Variants in CAST observed in about 807,000 individuals in gnomAD.
The protein encoded by CAST is MIR583 host.
Under a neutral mutation model 119.6 loss-of-function variants are expected in CAST, and 76 were observed. The ratio of observed to expected loss-of-function variants is 0.64; its 90% CI spans 0.53 to 0.77. The LOEUF (loss-of-function observed/expected upper bound fraction) is 0.77. Among genes scored for constraint, CAST ranks in the 30% least tolerant of loss-of-function variants. The pLI, the probability that CAST is intolerant of heterozygous loss-of-function variation, is 0.00. For missense variants in CAST, 953 were observed against 946.5 expected, an observed-to-expected ratio of 1.01 and a Z score of -0.09; for synonymous variants, 319 against 331.6, an observed-to-expected ratio of 0.96 and a Z score of 0.41.
At chr5:96,662,295 T>G, upstream of CAST, 1 of 1,136,158 alleles carries the variant, frequency 8.8e-7, no homozygotes, top group African/African-American at 2.1e-5. Context: ...GAAAAGCTGT[T>G]TCATCGCCCG....
At chr5:96,677,805 T>G (rs1750883010) in intron 2 of CAST, among the ~76,000 whole-genome samples, 1 of 152,130 alleles carries the variant, frequency 6.6e-6, no homozygotes, top group Non-Finnish European at 1.5e-5. Context: ...CAAAGAATGA[T>G]TTGTGAATTG....
chr5:96,066,224 G>T, the CAST span, among the ~76,000 whole-genome samples: 1 of 152,126 alleles, frequency 6.6e-6, no homozygotes, highest in Non-Finnish European at 1.5e-5. Context: ...GAATCTTGCT[G>T]ACAGGGTCAG....
At chr5:96,312,960 T>A in the CAST span, among the ~76,000 whole-genome samples, 1 of 152,152 alleles carries the variant, frequency 6.6e-6, no homozygotes, top group Admixed American at 6.5e-5. Context: ...GTTCATTACA[T>A]ACTATGGATG....
chr5:96,313,140 C>T, the CAST span, among the ~76,000 whole-genome samples: 1 of 152,064 alleles, frequency 6.6e-6, no homozygotes, highest in Non-Finnish European at 1.5e-5. Context: ...AATCAAGATA[C>T]TGCTTTCTTC....
At position 96,767,475 on chromosome 5, in the gene CAST, A is replaced by T. The variant is rs1306081750; in HGVS notation, c.2168A>T (p.Asp723Val). ...AAGCCACCTACAAAGAAATCAGAGGATTCAAAGGTAAAGACCATAGGAACA... is the reference window on the plus strand; with the variant it reads ...AAGCCACCTACAAAGAAATCAGAGGTTTCAAAGGTAAAGACCATAGGAACA... ...PVKPPTKKSE[D>V]SKKPADDQDP... is the part of the protein sequence containing the mutation. Residue 723 changes from aspartate (D) to valine (V), a missense_variant, in exon 28 of 32, where the codon GAT (aspartate) becomes GTT (valine). Transcript: ENST00000675179. 1 of 1,612,254 alleles carries T rather than the reference A, an allele frequency of 6.2e-7. No individual in the cohort carries two copies. Among genetic ancestry groups the T allele is most frequent in the Non-Finnish European group, 8.5e-7 (1 of 1,178,636 alleles).
the CAST span, among the ~76,000 whole-genome samples, chr5:96,353,361 C>T: frequency 3.3e-5 from 5 of 152,166 alleles, no homozygotes; most frequent in Non-Finnish European, 7.4e-5. Flanking sequence ...GGCATCCAAA[C>T]TTATATGACC....
chr5:96,077,093 A>G, the CAST span, among the ~76,000 whole-genome samples: 2 of 152,094 alleles, frequency 1.3e-5, no homozygotes, highest in East Asian at 1.9e-4. Flanking sequence ...CATAGTATCT[A>G]TCCTAATTTG....
intron 1 of CAST, among the ~76,000 whole-genome samples, chr5:96,570,929 G>A (rs1019107907): frequency 5.9e-5 from 9 of 152,142 alleles, no homozygotes; most frequent in African/African-American, 4.8e-5. Flanking sequence ...TTTATTGGCC[G>A]TGTCTGGTGC....
intron 1 of CAST, among the ~76,000 whole-genome samples, chr5:96,638,848 C>A (rs1015514901): frequency 1.3e-5 from 2 of 152,164 alleles, no homozygotes; most frequent in Non-Finnish European, 2.9e-5. Flanking sequence ...AGTTGCAGAA[C>A]AAACTTTTAC....
the CAST span, among the ~76,000 whole-genome samples, chr5:96,331,306 TC>T: frequency 6.6e-6 from 1 of 152,172 alleles, no homozygotes; most frequent in African/African-American, 2.4e-5. Flanking sequence ...TTGTTCCCTT[TC>T]TTACACACAG....
At chr5:96,087,680 G>A in the CAST span, among the ~76,000 whole-genome samples, 1 of 152,174 alleles carries the variant, frequency 6.6e-6, no homozygotes, top group Non-Finnish European at 1.5e-5. Flanking sequence ...AAGCTCATCT[G>A]AGTGGTGATG....
intron 17 of CAST, among the ~76,000 whole-genome samples, chr5:96,746,748 G>A (rs1294224764): frequency 1.3e-5 from 2 of 152,168 alleles, no homozygotes; most frequent in East Asian, 3.8e-4. Flanking sequence ...ACTGCTATAT[G>A]GATAAAAGCA....
the CAST span, among the ~76,000 whole-genome samples, chr5:96,404,861 C>T: frequency 0.04 from 6,094 of 152,072 alleles, 139 homozygotes; most frequent in Middle Eastern, 0.11. Context: ...ATGTTGTAAG[C>T]GTTATAATTA....
chr5:96,233,292 C>T, the CAST span, among the ~76,000 whole-genome samples: 1 of 151,896 alleles, frequency 6.6e-6, no homozygotes, highest in Admixed American at 6.6e-5. Flanking sequence ...TTCAGAACAC[C>T]TCTGAGGAAA....
At chr5:96,541,848 A>G (rs1235251509) in intron 1 of CAST, among the ~76,000 whole-genome samples, 1 of 152,206 alleles carries the variant, frequency 6.6e-6, no homozygotes, top group Non-Finnish European at 1.5e-5. Context: ...TGCATATACC[A>G]GAGTTTATCT....
At chr5:96,688,998 G>T (rs1195323368) in intron 2 of CAST, among the ~76,000 whole-genome samples, 38 of 143,420 alleles carry the variant, frequency 2.6e-4, no homozygotes, top group Admixed American at 2.6e-3. Context: ...TGTTTTGTGT[G>T]CTTGTGTGTA....
chr5:96,767,845 G>T (rs1219470340), intron 28 of CAST, 62 bp from the exon 29 acceptor site: 2 of 930,222 alleles, frequency 2.2e-6, no homozygotes, highest in Admixed American at 1.9e-5. Flanking sequence ...TGTGGGAAAA[G>T]ACCCCATATT....
the CAST span, among the ~76,000 whole-genome samples, chr5:96,129,858 T>C: frequency 8.6e-5 from 13 of 151,994 alleles, no homozygotes; most frequent in Non-Finnish European, 1.3e-4. Flanking sequence ...AAAGTATTAA[T>C]TATAATAGCA....
chr5:96,622,113 G>A (rs984706776), intron 1 of CAST, among the ~76,000 whole-genome samples: 11 of 151,618 alleles, frequency 7.3e-5, no homozygotes, highest in Non-Finnish European at 1.2e-4. Flanking sequence ...GGGATTACAG[G>A]CACCCACCAC....
Sources: gnomAD v4.1 joint callset for allele counts (sites outside exome capture counted in the v4.1 genomes callset) on GRCh38, gnomAD v4.1.1 for gene constraint, MANE v1.5 for transcripts, NCBI Gene and HGNC (gene_info 2026-07-23, HGNC 2026-07-21) for gene names.